WNT10B: variants seen among roughly 807,000 people sequenced by gnomAD.
WNT10B encodes protein Wnt-10b.
A neutral mutation model predicts 32.7 loss-of-function variants in WNT10B; 26 were observed. The observed-to-expected ratio is 0.79, with a 90% CI of 0.58 to 1.10. The LOEUF is 1.10. Among genes scored for constraint, WNT10B ranks in the 50% least tolerant of loss-of-function variants. WNT10B has a pLI of 0.00. For synonymous variants in WNT10B, 204 were observed against 220.4 expected, an observed-to-expected ratio of 0.93 and a Z score of 0.66; for missense variants, 474 against 532.5, an observed-to-expected ratio of 0.89 and a Z score of 1.08.
rs1940839368 is a variant in WNT10B at position 48,970,707 on chromosome 12, A to T, written c.-40-138T>A. 3.1e-6 allele frequency: 2 copies of T among 653,742 alleles called. No homozygotes were observed. The highest frequency in any genetic ancestry group is 2.7e-6 in the Non-Finnish European group (1 of 374,940). The allele number at this position is 653,742 out of a possible 1,614,324, so 40.5% of individuals were successfully genotyped here. ...TCATTCCTCCTCAAACAAAACAAGAAGAAACACCCCTTGATTCCCAGAGTC... is the reference window on the plus strand; with the variant it reads ...TCATTCCTCCTCAAACAAAACAAGATGAAACACCCCTTGATTCCCAGAGTC... On this transcript the variant is annotated intron_variant, in intron 1 of 4. Coordinates refer to ENST00000301061, the MANE Select transcript of WNT10B (RefSeq NM_003394.4). This position sits in a 1 kb window ranked among gnomAD's most constrained non-coding sequence, Gnocchi z 5.0.
chr12:48,968,505 G>A (rs756610393), intron 3 of WNT10B, among the ~76,000 whole-genome samples, 186 bp from the exon 4 acceptor site: 5 of 152,216 alleles, frequency 3.3e-5, no homozygotes, highest in Admixed American at 1.3e-4. Context: ...AAAGCACAGA[G>A]CCTCAGATTC....
intron 3 of WNT10B, chr12:48,969,184 G>A: frequency 2.1e-6 from 1 of 468,096 alleles, no homozygotes; most frequent in Non-Finnish European, 4.4e-6. Context: ...ATTTTAGGCA[G>A]GGGCTCTCCG....
At chr12:48,969,231 G>A in intron 3 of WNT10B, 2 of 437,554 alleles carry the variant, frequency 4.6e-6, no homozygotes, top group South Asian at 1.7e-5. Flanking sequence ...CCCGCTTAGA[G>A]ACCAGGCCTC....
In WNT10B at chr12:48,966,407, A is replaced by G. The variant is rs1316042302; in HGVS notation, c.858T>C (p.Asp286=). The part of the protein sequence containing the change: ...RERLGRAIFI[D]THNRNSGAFQ... ...AGGCTCCAGAATTGCGGTTGTGGGT[A>G]TCAATGAAGATGGCCCGGCCCAGCC... Residue 286 remains aspartate, a synonymous_variant, in exon 5 of 5, where the codon GAT becomes GAC. Coordinates refer to ENST00000301061, the MANE Select transcript of WNT10B (RefSeq NM_003394.4). The G allele has an allele frequency of 2.5e-6, 4 of 1,613,970 alleles. No individual in the cohort carries two copies. Among genetic ancestry groups the G allele is most frequent in the Non-Finnish European group, 3.4e-6 (4 of 1,180,048 alleles).
At position 48,970,141 on chromosome 12, in the gene WNT10B, G is replaced by T; in HGVS notation, c.285C>A (p.Ser95=). 3.3e-6 allele frequency: 5 copies of T among 1,536,502 alleles called. No individual in the cohort carries two copies. The highest frequency in any genetic ancestry group is 4.4e-6 in the Non-Finnish European group (5 of 1,144,704). The change falls in exon 3 of 5, where the codon TCC becomes TCA. Residue 95 remains serine, a synonymous_variant. Transcript: ENST00000301061. The surrounding 1 kb of genome is among the most constrained non-coding windows in gnomAD (Gnocchi z 5.0). ...HQLRDQRWNC[S]ALEGGGRLPH... is the part of the protein sequence containing the mutation. Reference sequence around the variant, plus strand: ...GCAGGCGGCCGCCGCCCTCAAGCGCGGAGCAGTTCCAGCGCTGGTCGCGCA... The same window carrying T: ...GCAGGCGGCCGCCGCCCTCAAGCGCTGAGCAGTTCCAGCGCTGGTCGCGCA...
chr12:48,966,714 C>G (rs2137611396), intron 4 of WNT10B, among the ~76,000 whole-genome samples, 161 bp from the exon 5 acceptor site: 1 of 152,320 alleles, frequency 6.6e-6, no homozygotes, highest in African/African-American at 2.4e-5. Flanking sequence ...TAGCTAATAG[C>G]CAACTTCCTC....
rs1940778454 is a variant in WNT10B at position 48,968,171 on chromosome 12, C to G, written c.486G>C (p.Leu162=). Residue 162 remains leucine, a synonymous_variant, in exon 4 of 5, where the codon CTG becomes CTC. Transcript: ENST00000301061. ...TGCCTCGGGACAGTGCCTGCAGCTGCAGCAGTTTGGCCCTCAGCCGATCCT... is the reference window on the plus strand; with the variant it reads ...TGCCTCGGGACAGTGCCTGCAGCTGGAGCAGTTTGGCCCTCAGCCGATCCT... The part of the protein sequence containing the change: ...GEQDRLRAKL[L]QLQALSRGKS... The G allele has an allele frequency of 6.2e-7, 1 of 1,614,050 alleles. No individual in the cohort carries two copies. The highest frequency in any genetic ancestry group is 1.1e-5 in the South Asian group (1 of 91,096).
Position 48,966,024 on chromosome 12 carries a change from T to G in WNT10B, c.*71A>C. On this transcript the variant is annotated 3_prime_UTR_variant, in exon 5 of 5. Transcript: ENST00000301061. ...GACCAAGAGTGACCTTGGAAGGAAA[T>G]CAGAGCAAAGGGCTGAAAAGGCGCC... 1 of 1,575,570 alleles carries G rather than the reference T, an allele frequency of 6.3e-7. No homozygotes were observed. The highest frequency in any genetic ancestry group is 8.7e-7 in the Non-Finnish European group (1 of 1,155,112).
Position 48,970,126 on chromosome 12 carries a change from G to GCCGCCCT in WNT10B, c.293_299dup (p.Leu103ArgfsTer53). 6.5e-7 allele frequency: 1 copy of GCCGCCCT among 1,529,378 alleles called. No individual in the cohort carries two copies. Among genetic ancestry groups the GCCGCCCT allele is most frequent in the South Asian group, 1.2e-5 (1 of 83,804 alleles). The allele number at this position is 1,529,378 out of a possible 1,614,324, so 94.7% of individuals were successfully genotyped here. The stretch of plus-strand genomic sequence containing the variant: ...TGGCGCTGTGGTGCGGCAGGCGGCC[G>GCCGCCCT]CCGCCCTCAAGCGCGGAGCAGTTCC... On this transcript the variant is annotated frameshift_variant, in exon 3 of 5. Transcript: ENST00000301061. LOFTEE classifies it high-confidence loss of function. This position sits in a 1 kb window ranked among gnomAD's most constrained non-coding sequence, Gnocchi z 5.0.
chr12:48,968,248 T>C lies in WNT10B; in HGVS notation c.409A>G (p.Ser137Gly). Reference sequence around the variant, plus strand: ...CCACAGCTCACCAGCTTGCCCAGGCTGCAGGCCGTGGCTACTGCGTGCATG... The same window carrying C: ...CCACAGCTCACCAGCTTGCCCAGGCCGCAGGCCGTGGCTACTGCGTGCATG... ...GVMHAVATAC[S>G]LGKLVSCGCG... The change falls in exon 4 of 5, where the codon AGC becomes GGC. Residue 137 changes from serine (S) to glycine (G), a missense_variant. Ser to Gly is a moderately conservative substitution (Grantham distance 56, BLOSUM62 0). Coordinates refer to ENST00000301061, the MANE Select transcript of WNT10B (RefSeq NM_003394.4). 3.1e-6 allele frequency: 5 copies of C among 1,610,312 alleles called. No homozygotes were observed. Among genetic ancestry groups the C allele is most frequent in the Non-Finnish European group, 4.2e-6 (5 of 1,180,018 alleles).
At chr12:48,968,396 AG>A in intron 3 of WNT10B, 77 bp from the exon 4 acceptor site, 1 of 1,584,468 alleles carries the variant, frequency 6.3e-7, no homozygotes, top group East Asian at 2.3e-5. Flanking sequence ...AGAAATAAAC[AG>A]CCCCCCTCCA....
At position 48,968,243 on chromosome 12, in the gene WNT10B, C is replaced by T. The variant is rs1390495934; in HGVS notation, c.414G>A (p.Leu138=). The stretch of plus-strand genomic sequence containing the variant: ...CACAGCCACAGCTCACCAGCTTGCC[C>T]AGGCTGCAGGCCGTGGCTACTGCGT... ...VMHAVATACS[L]GKLVSCGCGW... The change falls in exon 4 of 5, where the codon CTG becomes CTA. Residue 138 remains leucine (L), a synonymous_variant. Coordinates refer to ENST00000301061, the MANE Select transcript of WNT10B (RefSeq NM_003394.4). The T allele has an allele frequency of 6.2e-7, 1 of 1,610,864 alleles. No homozygotes were observed. Among genetic ancestry groups the T allele is most frequent in the Non-Finnish European group, 8.5e-7 (1 of 1,180,034 alleles).
rs545941672 is a variant in WNT10B at position 48,971,718 on chromosome 12, C to G, written c.-304G>C. The G allele has an allele frequency of 6.6e-6, 1 of 152,292 alleles. No individual in the cohort carries two copies. Among genetic ancestry groups the G allele is most frequent in the East Asian group, 1.9e-4 (1 of 5,166 alleles). 9.4% of individuals were successfully genotyped at this position (152,292 alleles called of 1,614,324 possible). A position where few individuals can be genotyped will look rare whatever the true frequency, so the allele number is the denominator to read the frequency against. On this transcript the variant is annotated 5_prime_UTR_variant, in exon 1 of 5. Coordinates refer to ENST00000301061, the MANE Select transcript of WNT10B (RefSeq NM_003394.4). The stretch of plus-strand genomic sequence containing the variant: ...CTGGGGGCTCTGGCTTTGCTCTCAC[C>G]GAGCTCAGGGTGGCTCTGCCGGGCT...
rs1161680798 is a variant in WNT10B, at chr12:48,965,350, TAA to T, written c.*743_*744del. On this transcript the variant is annotated 3_prime_UTR_variant, in exon 5 of 5. Transcript: ENST00000301061. Reference sequence around the variant, plus strand: ...ATCTGCATCCACCAGTCCAGTAACTTAATTTATTTTAGTTTCAAACAGGAACC... The same window carrying T: ...ATCTGCATCCACCAGTCCAGTAACTTTTTATTTTAGTTTCAAACAGGAACC... The T allele has an allele frequency of 6.6e-6, 1 of 152,618 alleles. No homozygotes were observed. The highest frequency in any genetic ancestry group is 2.4e-5 in the African/African-American group (1 of 41,446). 9.5% of individuals were successfully genotyped at this position (152,618 alleles called of 1,614,324 possible).
rs1184828028 is a variant in WNT10B at position 48,966,150 on chromosome 12, C to G, written c.1115G>C (p.Cys372Ser). Residue 372 changes from cysteine (C) to serine (S), a missense_variant, in exon 5 of 5, where the codon TGC becomes TCC. Coordinates refer to ENST00000301061, the MANE Select transcript of WNT10B (RefSeq NM_003394.4). ...CTTGCACTCATCACACAGCACATAG[C>G]AGCACCAGTGGAAGCGGCAATGGCA... ...ERCHCRFHWC[C>S]YVLCDECKVT... 1 of 1,613,610 alleles carries G rather than the reference C, an allele frequency of 6.2e-7. No homozygotes were observed. The highest frequency in any genetic ancestry group is 8.5e-7 in the Non-Finnish European group (1 of 1,180,028).
At position 48,967,974 on chromosome 12, in the gene WNT10B, C is replaced by T. The variant is rs553395822; in HGVS notation, c.683G>A (p.Arg228Gln). The T allele has an allele frequency of 1.3e-4, 217 of 1,614,214 alleles. 4 individuals are homozygous for T. Among genetic ancestry groups the T allele is most frequent in the South Asian group, 8.3e-4 (76 of 91,084 alleles). Reference protein sequence around the residue: ...EAPRDIQARMRIHNNRVGRQV... With the variant: ...EAPRDIQARMQIHNNRVGRQV... ...GCGCCCCACCCTGTTGTTGTGGATT[C>T]GCATTCGTGCCTGGATGTCCCGGGG... The change falls in exon 4 of 5, where the codon CGA becomes CAA. Residue 228 changes from arginine to glutamine, a missense_variant. Coordinates refer to ENST00000301061, the MANE Select transcript of WNT10B (RefSeq NM_003394.4).
intron 1 of WNT10B, among the ~76,000 whole-genome samples, chr12:48,971,142 G>A (rs973696590): frequency 2.6e-5 from 4 of 152,124 alleles, no homozygotes; most frequent in African/African-American, 9.7e-5. Flanking sequence ...GGAGAGCCTG[G>A]CTCCCTCCTA....
rs781705638 is a variant in WNT10B at position 48,965,753 on chromosome 12, A to G, written c.*342T>C. 1 of 317,266 alleles carries G rather than the reference A, an allele frequency of 3.2e-6. No individual in the cohort carries two copies. Among genetic ancestry groups the G allele is most frequent in the Non-Finnish European group, 6.0e-6 (1 of 165,942 alleles). 19.7% of individuals were successfully genotyped at this position (317,266 alleles called of 1,614,324 possible). On this transcript the variant is annotated 3_prime_UTR_variant, in exon 5 of 5. Coordinates refer to ENST00000301061, the MANE Select transcript of WNT10B (RefSeq NM_003394.4). ...ATCCCTCAAGGGAGAGGAGTGGTGAAACTATAGGGACTCCCCAGCCAAAAG... is the reference window on the plus strand; with the variant it reads ...ATCCCTCAAGGGAGAGGAGTGGTGAGACTATAGGGACTCCCCAGCCAAAAG...
chr12:48,965,850 G>C lies in WNT10B; in HGVS notation c.*245C>G. 1.8e-6 allele frequency: 1 copy of C among 565,986 alleles called. No individual in the cohort carries two copies. The highest frequency in any genetic ancestry group is 3.0e-5 in the Admixed American group (1 of 32,896). 35.1% of individuals were successfully genotyped at this position (565,986 alleles called of 1,614,324 possible). On this transcript the variant is annotated 3_prime_UTR_variant, in exon 5 of 5. Coordinates refer to ENST00000301061, the MANE Select transcript of WNT10B (RefSeq NM_003394.4). ...GAGCAATACAGTGCATTTCATCTTA[G>C]TCCATTCAGGTGTCTAAGGAGCAGA...
Sources: allele counts gnomAD v4.1 joint callset (sites outside exome capture counted in the v4.1 genomes callset), GRCh38; gene constraint gnomAD v4.1.1; non-coding constraint Gnocchi (gnomAD v3.1); transcripts MANE v1.5; gene names NCBI Gene and HGNC (gene_info 2026-07-23, HGNC 2026-07-21).